HOMER1: variants seen among roughly 807,000 people sequenced by gnomAD.
HOMER1 encodes homer protein homolog 1.
HOMER1 carries 3 observed loss-of-function variants against 48.9 expected under a neutral mutation model. The observed-to-expected ratio is 0.06, with a 90% CI of 0.03 to 0.16. The LOEUF (loss-of-function observed/expected upper bound fraction) is 0.16, where lower values mean the gene tolerates loss of function less well. Ranked by LOEUF, HOMER1 falls within the 10% of genes least tolerant of loss-of-function variation. The pLI is 1.00. For missense variants in HOMER1, 247 were observed against 411.4 expected (o/e 0.60, Z 3.46); for synonymous variants, 134 against 146.4 (o/e 0.92, Z 0.61).
At chr5:79,468,669 TACAA>T (rs1177224146) in intron 1 of HOMER1, among the ~76,000 whole-genome samples, 3 of 152,220 alleles carry the variant, frequency 2.0e-5, no homozygotes, top group Non-Finnish European at 2.9e-5. Context: ...AAAATAGCAT[TACAA>T]ACAATGTTCC....
At chr5:79,492,368 A>T (rs956080800) in intron 1 of HOMER1, among the ~76,000 whole-genome samples, 1 of 152,226 alleles carries the variant, frequency 6.6e-6, no homozygotes, top group Admixed American at 6.5e-5. Context: ...ATCAAGAATA[A>T]GGAAGATAGG....
intron 1 of HOMER1, among the ~76,000 whole-genome samples, chr5:79,504,655 C>T (rs1374225447): frequency 1.3e-5 from 2 of 152,000 alleles, no homozygotes; most frequent in African/African-American, 4.8e-5. Context: ...CCAACTCACA[C>T]AAAGAAAGTC....
At chr5:79,393,978 A>C (rs1333107087) in intron 8 of HOMER1, among the ~76,000 whole-genome samples, 1 of 152,178 alleles carries the variant, frequency 6.6e-6, no homozygotes, top group East Asian at 1.9e-4. Context: ...AGATGACAGG[A>C]TTATGATTTT....
At chr5:79,452,219 T>C (rs1358326445) in intron 2 of HOMER1, among the ~76,000 whole-genome samples, 5 of 152,114 alleles carry the variant, frequency 3.3e-5, no homozygotes, top group African/African-American at 1.2e-4. Flanking sequence ...GCATACTCAT[T>C]TCTTTTCTCA....
At chr5:79,472,825 A>G (rs1751660862) in intron 1 of HOMER1, among the ~76,000 whole-genome samples, 1 of 152,162 alleles carries the variant, frequency 6.6e-6, no homozygotes, top group African/African-American at 2.4e-5. Context: ...CCCTAGTGAT[A>G]TTAGATTCAC....
intron 5 of HOMER1, among the ~76,000 whole-genome samples, chr5:79,431,492 A>G (rs1306639604): frequency 6.6e-6 from 1 of 152,156 alleles, no homozygotes; most frequent in East Asian, 1.9e-4. Flanking sequence ...GAGAATGACT[A>G]CTAATGAGTA....
chr5:79,395,086 T>C (rs1186132598), intron 8 of HOMER1, among the ~76,000 whole-genome samples: 3 of 152,236 alleles, frequency 2.0e-5, no homozygotes, highest in Non-Finnish European at 4.4e-5. Flanking sequence ...CATTACTTTC[T>C]AGCTAAGTGC....
chr5:79,452,552 T>G (rs894064301), intron 2 of HOMER1, among the ~76,000 whole-genome samples: 1 of 152,162 alleles, frequency 6.6e-6, no homozygotes, highest in African/African-American at 2.4e-5. Context: ...TGAACTAAAT[T>G]TGCTTACCAT....
chr5:79,483,275 A>G (rs1751997597), intron 1 of HOMER1, among the ~76,000 whole-genome samples: 2 of 152,182 alleles, frequency 1.3e-5, no homozygotes, highest in Non-Finnish European at 1.5e-5. Context: ...AGAAGACAGA[A>G]TATCTATAAA....
At chr5:79,481,375 A>C (rs1195507863) in intron 1 of HOMER1, among the ~76,000 whole-genome samples, 1 of 151,404 alleles carries the variant, frequency 6.6e-6, no homozygotes, top group East Asian at 2.0e-4. Flanking sequence ...GATCTCTGAG[A>C]GGCAGGAAAC....
chr5:79,478,867 A>T (rs965039783), intron 1 of HOMER1, among the ~76,000 whole-genome samples: 4 of 152,150 alleles, frequency 2.6e-5, no homozygotes, highest in African/African-American at 9.7e-5. Flanking sequence ...CTGGAGAATC[A>T]CTTGAACCCA....
intron 1 of HOMER1, among the ~76,000 whole-genome samples, chr5:79,498,078 CT>C (rs1203328672): frequency 6.6e-6 from 1 of 152,200 alleles, no homozygotes; most frequent in Non-Finnish European, 1.5e-5. Context: ...GACTCTGATG[CT>C]CTGGTCTTCC....
chr5:79,460,628 T>C (rs1216397603), intron 1 of HOMER1, among the ~76,000 whole-genome samples: 1 of 152,066 alleles, frequency 6.6e-6, no homozygotes, highest in African/African-American at 2.4e-5. Flanking sequence ...ATAGATTGGA[T>C]ATAGGGCAGT....
At chr5:79,379,241 A>AT (rs575992423) in intron 8 of HOMER1, among the ~76,000 whole-genome samples, 9 of 65,002 alleles carry the variant, frequency 1.4e-4, no homozygotes, top group South Asian at 4.9e-4. Context: ...TATATTATAT[A>AT]TTATATATAT....
intron 8 of HOMER1, among the ~76,000 whole-genome samples, chr5:79,379,125 A>ATATATATATATATT (rs1561340372): frequency 1.0e-5 from 1 of 99,050 alleles, no homozygotes; most frequent in African/African-American, 4.5e-5. Flanking sequence ...AAATATATAA[A>ATATATATATATATT]TATTTATTTA....
chr5:79,484,049 A>AAC (rs1462582056), intron 1 of HOMER1, among the ~76,000 whole-genome samples: 3 of 151,074 alleles, frequency 2.0e-5, no homozygotes, highest in Admixed American at 6.6e-5. Flanking sequence ...CCATCTCAAA[A>AAC]AAAAAAAAAA....
intron 1 of HOMER1, among the ~76,000 whole-genome samples, chr5:79,512,179 C>A (rs1752962963): frequency 6.6e-6 from 1 of 152,144 alleles, no homozygotes; most frequent in South Asian, 2.1e-4. Flanking sequence ...AAAGCTTTTT[C>A]CTACGAAATG....
chr5:79,511,717 CA>C (rs1232888870), intron 1 of HOMER1, among the ~76,000 whole-genome samples: 1 of 152,180 alleles, frequency 6.6e-6, no homozygotes, highest in African/African-American at 2.4e-5. Context: ...CAAAGTTATG[CA>C]TGTTAAACTT....
intron 5 of HOMER1, among the ~76,000 whole-genome samples, chr5:79,416,901 A>G (rs1749956466): frequency 6.6e-6 from 1 of 152,248 alleles, no homozygotes; most frequent in South Asian, 2.1e-4. Flanking sequence ...AAAGGTTCAA[A>G]GTGCCTTACA....
Sources: allele counts gnomAD v4.1 joint callset (sites outside exome capture counted in the v4.1 genomes callset), GRCh38; gene constraint gnomAD v4.1.1; transcripts MANE v1.5; gene names NCBI Gene and HGNC (gene_info 2026-07-23, HGNC 2026-07-21).